THADA: variants seen among roughly 807,000 people sequenced by gnomAD.
THADA encodes tRNA (32-2'-O)-methyltransferase regulator THADA.
In THADA, 213 loss-of-function variants were observed where a neutral mutation model predicts 219.8. That is an observed-to-expected ratio of 0.97 (90% CI 0.87 to 1.09). The LOEUF (loss-of-function observed/expected upper bound fraction) is 1.09. Ranked by LOEUF, THADA falls within the 50% of genes least tolerant of loss-of-function variation. The probability of loss-of-function intolerance (pLI) is 0.00; values close to 1 mark genes in which losing one functional copy is unlikely to be tolerated. For synonymous variants in THADA, 1,018 were observed against 828.9 expected (o/e 1.23, Z -3.92); for missense variants, 2,956 against 2,311.3 (o/e 1.28, Z -5.72).
intron 24 of THADA, among the ~76,000 whole-genome samples, chr2:43,500,676 C>A (rs1355186231): frequency 6.6e-6 from 1 of 152,238 alleles, no homozygotes; most frequent in South Asian, 2.1e-4. Context: ...CATAAGGATG[C>A]CTGCTATCTC....
At chr2:43,374,740 T>C (rs1671185141) in intron 29 of THADA, among the ~76,000 whole-genome samples, 1 of 152,174 alleles carries the variant, frequency 6.6e-6, no homozygotes, top group Non-Finnish European at 1.5e-5. Context: ...TAAGTTAACA[T>C]ATTAGTTTAG....
chr2:43,561,273 G>A (rs1396142894), intron 15 of THADA, among the ~76,000 whole-genome samples: 1 of 152,198 alleles, frequency 6.6e-6, no homozygotes, highest in Non-Finnish European at 1.5e-5. Context: ...GAATGAAGGT[G>A]TGAAGAACTT....
chr2:43,287,891 G>A (rs1200855575), intron 34 of THADA, among the ~76,000 whole-genome samples: 1 of 152,192 alleles, frequency 6.6e-6, no homozygotes, highest in Non-Finnish European at 1.5e-5. Flanking sequence ...TCATGCCTTA[G>A]GAAATGCCCA....
intron 16 of THADA, among the ~76,000 whole-genome samples, chr2:43,557,963 G>C (rs376680976): frequency 6.6e-6 from 1 of 152,158 alleles, no homozygotes; most frequent in African/African-American, 2.4e-5. Flanking sequence ...AAACTTAAAA[G>C]TAGTGGCCAA....
intron 29 of THADA, among the ~76,000 whole-genome samples, chr2:43,381,787 G>A (rs565980582): frequency 2.6e-5 from 4 of 151,936 alleles, no homozygotes; most frequent in African/African-American, 4.8e-5. Context: ...CCATGGCCCC[G>A]TTGGCCATGC....
chr2:43,328,825 T>TTGC (rs1448455196), intron 30 of THADA, among the ~76,000 whole-genome samples: 1 of 152,218 alleles, frequency 6.6e-6, no homozygotes, highest in African/African-American at 2.4e-5. Context: ...TCCCTTAGGA[T>TTGC]TGCTGCTGCT....
intron 26 of THADA, among the ~76,000 whole-genome samples, chr2:43,472,953 C>T (rs1054923882): frequency 6.6e-6 from 1 of 152,064 alleles, no homozygotes; most frequent in Non-Finnish European, 1.5e-5. Context: ...GCAGTTACCA[C>T]GAATGGAGCC....
chr2:43,458,346 AG>A (rs1337916901), intron 26 of THADA, among the ~76,000 whole-genome samples: 3 of 152,216 alleles, frequency 2.0e-5, no homozygotes, highest in Admixed American at 6.5e-5. Context: ...CCATATACCA[AG>A]AGTCCAATGC....
intron 29 of THADA, among the ~76,000 whole-genome samples, chr2:43,393,862 T>C (rs932100183): frequency 2.6e-5 from 4 of 152,156 alleles, no homozygotes; most frequent in Non-Finnish European, 4.4e-5. Context: ...TTCTTATGAA[T>C]CACCCAAAAT....
intron 26 of THADA, among the ~76,000 whole-genome samples, chr2:43,476,506 A>G (rs933629333): frequency 6.6e-6 from 1 of 151,916 alleles, no homozygotes; most frequent in Non-Finnish European, 1.5e-5. Flanking sequence ...GTCTGTATTT[A>G]AATTTTGATT....
chr2:43,295,763 G>A (rs1002021185), intron 31 of THADA, among the ~76,000 whole-genome samples: 3 of 152,056 alleles, frequency 2.0e-5, no homozygotes, highest in African/African-American at 7.2e-5. Context: ...GCATAGACTT[G>A]CAATAATTCG....
At chr2:43,361,887 G>A (rs1012807704) in intron 29 of THADA, among the ~76,000 whole-genome samples, 11 of 152,172 alleles carry the variant, frequency 7.2e-5, no homozygotes, top group Non-Finnish European at 1.5e-4. Context: ...ATAATCTGGT[G>A]ACCCTTGAAG....
At chr2:43,504,071 T>TAA (rs372128339) in intron 24 of THADA, among the ~76,000 whole-genome samples, 1 of 143,790 alleles carries the variant, frequency 7.0e-6, no homozygotes, top group South Asian at 2.2e-4. Flanking sequence ...GCCAAAATAA[T>TAA]AAAAAAAAAA....
At chr2:43,461,522 C>T (rs1449885184) in intron 26 of THADA, among the ~76,000 whole-genome samples, 2 of 152,140 alleles carry the variant, frequency 1.3e-5, no homozygotes, top group Non-Finnish European at 2.9e-5. Context: ...TCCTTATGTA[C>T]CTGGAAGGAA....
In THADA at chr2:43,549,386, G is replaced by A. The variant is rs764810338; in HGVS notation, c.2948-18C>T. ...TGCTGACTCTGAGGGAAAGAAATGA[G>A]CGTACATGAAACCCAGTAACACATC... On this transcript the variant is annotated intron_variant, in intron 19 of 37. Coordinates refer to ENST00000405975, the MANE Select transcript of THADA (RefSeq NM_022065.5). 2.5e-6 allele frequency: 4 copies of A among 1,592,776 alleles called. No individual in the cohort carries two copies. In the South Asian group the frequency reaches 4.6e-5, roughly 18 times the overall value.
chr2:43,514,999 AATATTATATATATTATATAT>A (rs1558889853), intron 22 of THADA, among the ~76,000 whole-genome samples: 1 of 47,456 alleles, frequency 2.1e-5, no homozygotes, highest in African/African-American at 1.1e-4. Context: ...TATAATATAT[AATATTATATATATTATATAT>A]TTTATATATA....
At chr2:43,515,244 TATATTATATATAATATATA>T (rs1691456667) in intron 22 of THADA, among the ~76,000 whole-genome samples, 1 of 60,150 alleles carries the variant, frequency 1.7e-5, no homozygotes, top group Non-Finnish European at 3.0e-5. Context: ...TAATATATAA[TATATTATATATAATATATA>T]ATATATAATA....
chr2:43,501,765 GA>G (rs1689016163), intron 24 of THADA, among the ~76,000 whole-genome samples: 1 of 152,036 alleles, frequency 6.6e-6, no homozygotes, highest in Non-Finnish European at 1.5e-5. Flanking sequence ...CCAACGTGGT[GA>G]AACCCCATCT....
intron 31 of THADA, among the ~76,000 whole-genome samples, chr2:43,311,562 C>A (rs1241353409): frequency 6.6e-6 from 1 of 152,266 alleles, no homozygotes; most frequent in East Asian, 1.9e-4. Flanking sequence ...AAAACTTGCC[C>A]ATGAATGCTC....
Sources: gnomAD v4.1 joint callset for allele counts (sites outside exome capture counted in the v4.1 genomes callset) on GRCh38, gnomAD v4.1.1 for gene constraint, MANE v1.5 for transcripts, NCBI Gene and HGNC (gene_info 2026-07-23, HGNC 2026-07-21) for gene names.